The following PRAMEF33 variants were observed in gnomAD, a reference collection of about 807,000 sequenced individuals.
The protein encoded by PRAMEF33 is PRAME family member 10-like.
PRAMEF33 carries 5 observed loss-of-function variants against 28.1 expected under a neutral mutation model. That is an observed-to-expected ratio of 0.18 (90% confidence interval 0.09 to 0.37). The LOEUF is 0.37. Among genes scored for constraint, PRAMEF33 ranks in the 10% least tolerant of loss-of-function variants. PRAMEF33 has a pLI of 1.00. For synonymous variants in PRAMEF33, 28 were observed against 183.2 expected, an observed-to-expected ratio of 0.15 and a Z score of 6.84; for missense variants, 62 against 471.1, an observed-to-expected ratio of 0.13 and a Z score of 8.04.
chr1:13,305,754 C>G, intron 1 of PRAMEF33, 176 bp from the exon 2 acceptor site: 1 of 580,316 alleles, frequency 1.7e-6, no homozygotes, highest in Non-Finnish European at 3.0e-6. Flanking sequence ...GGGACACACT[C>G]TTCTTGGTAC....
chr1:13,306,393 G>A (rs1208971888), intron 2 of PRAMEF33, 152 bp downstream of exon 2: 1 of 616,720 alleles, frequency 1.6e-6, no homozygotes, highest in South Asian at 2.0e-5. Flanking sequence ...CAGATCCTCT[G>A]GAAAAGGTCT....
intron 1 of PRAMEF33, 115 bp downstream of exon 1, chr1:13,303,701 T>TC (rs1326733525): frequency 3.0e-5 from 2 of 67,154 alleles, no homozygotes; most frequent in African/African-American, 1.1e-4. Flanking sequence ...TTGTTTTTTT[T>TC]CTCATATGAA....
At position 13,305,521 on chromosome 1, in the gene PRAMEF33, G is replaced by A. The variant is rs1297277237; in HGVS notation, c.-25-409G>A. On this transcript the variant is annotated intron_variant, in intron 1 of 3. Coordinates refer to ENST00000437300, the MANE Select transcript of PRAMEF33 (RefSeq NM_001291381.1). Reference sequence around the variant, plus strand: ...TACGCCTGTAATCCCAGTACTTTGGGAGGCCAAGGCGGGTGGAATGTTTGA... The same window carrying A: ...TACGCCTGTAATCCCAGTACTTTGGAAGGCCAAGGCGGGTGGAATGTTTGA... 9.4e-5 allele frequency: 17 copies of A among 181,642 alleles called. 1 individual carries two copies. The highest frequency in any genetic ancestry group is 4.4e-5 in the Non-Finnish European group (4 of 91,616). 11.3% of individuals were successfully genotyped at this position (181,642 alleles called of 1,614,324 possible).
chr1:13,307,748 C>T (rs1639883375), intron 3 of PRAMEF33: 1 of 91,716 alleles, frequency 1.1e-5, no homozygotes, highest in Non-Finnish European at 2.2e-5. Flanking sequence ...TGCAGACAGG[C>T]ACCTGTAATC....
intron 1 of PRAMEF33, 159 bp from the exon 2 acceptor site, chr1:13,305,771 G>A: frequency 1.7e-6 from 1 of 579,940 alleles, no homozygotes; most frequent in Non-Finnish European, 3.0e-6. Context: ...GTACCAGAAG[G>A]GCAGAACCAT....
chr1:13,305,761 G>A (rs1369186385), intron 1 of PRAMEF33, 169 bp from the exon 2 acceptor site: 1 of 579,692 alleles, frequency 1.7e-6, no homozygotes, highest in Non-Finnish European at 3.0e-6. Flanking sequence ...ACTCTTCTTG[G>A]TACCAGAAGG....
intron 1 of PRAMEF33, chr1:13,305,540 T>A: frequency 5.7e-6 from 1 of 175,314 alleles, no homozygotes; most frequent in Non-Finnish European, 1.1e-5. Flanking sequence ...GCGGGTGGAA[T>A]GTTTGAGTCT....
chr1:13,304,024 C>G (rs1236054441), intron 1 of PRAMEF33: 1 of 151,118 alleles, frequency 6.6e-6, no homozygotes, highest in Non-Finnish European at 1.5e-5. Context: ...GCCTCCCAGG[C>G]TCAAGCAATT....
chr1:13,308,861 A>T lies in PRAMEF33; in HGVS notation c.1399A>T (p.Lys467Ter), dbSNP rs1639903445. ...TACCTGTGGCTCATGGCCATCTGAG[A>T]AAGTGGACTTCCATCTTTGCTCCTA... is the stretch of plus-strand genomic sequence containing the variant. ...CPTCGSWPSEKVDFHLCS is the reference protein window; with the variant it reads ...CPTCGSWPSE Residue 467 changes from lysine to a stop codon, truncating the protein, a stop_gained, in exon 4 of 4, where the codon AAA becomes TAA. Transcript: ENST00000437300. LOFTEE classifies it high-confidence loss of function. 6.2e-7 allele frequency: 1 copy of T among 1,605,030 alleles called. No homozygotes were observed. The highest frequency in any genetic ancestry group is 8.5e-7 in the Non-Finnish European group (1 of 1,176,284).
intron 1 of PRAMEF33, chr1:13,304,018 C>G: frequency 6.6e-6 from 1 of 151,192 alleles, no homozygotes; most frequent in East Asian, 1.9e-4. Context: ...ACCTCTGCCT[C>G]CCAGGCTCAA....
Position 13,308,019 on chromosome 1 carries a change from T to C in PRAMEF33, c.867-310T>C, listed in dbSNP as rs1333877793. 6.0e-5 allele frequency: 19 copies of C among 318,644 alleles called. No homozygotes were observed. The Admixed American group carries it at 9.0e-4, about 15-fold the overall frequency. 19.7% of individuals were successfully genotyped at this position (318,644 alleles called of 1,614,324 possible). On this transcript the variant is annotated intron_variant, in intron 3 of 3. Coordinates refer to ENST00000437300, the MANE Select transcript of PRAMEF33 (RefSeq NM_001291381.1). ...AAGTGCATGCTTCTGGGATGGAGGG[T>C]GAGGGACTAGGTGTGAGAGTGGTAC...
rs1333028916 is a variant in PRAMEF33, at chr1:13,308,860, GA to G, written c.1401del (p.Val468TrpfsTer?). On this transcript the variant is annotated frameshift_variant, in exon 4 of 4. Transcript: ENST00000437300. LOFTEE classifies it high-confidence loss of function. ...CPTCGSWPSE[K>X]VDFHLCS ...CTACCTGTGGCTCATGGCCATCTGA[GA>G]AAGTGGACTTCCATCTTTGCTCCTA... The G allele has an allele frequency of 6.2e-7, 1 of 1,605,094 alleles. No individual in the cohort carries two copies. The highest frequency in any genetic ancestry group is 8.5e-7 in the Non-Finnish European group (1 of 1,176,346).
chr1:13,304,220 T>C (rs1413434267), intron 1 of PRAMEF33: 2 of 150,774 alleles, frequency 1.3e-5, no homozygotes, highest in Admixed American at 6.6e-5. Context: ...GAGCCACTGG[T>C]GCTTGGCCTC....
rs1331407118 is a variant in PRAMEF33 at position 13,305,719 on chromosome 1, G to A, written c.-25-211G>A. On this transcript the variant is annotated intron_variant, in intron 1 of 3. Coordinates refer to ENST00000437300, the MANE Select transcript of PRAMEF33 (RefSeq NM_001291381.1). ...TGGCTAATAATTCATGGACTAGGAG[G>A]GATCTTGCCTGCTCTTTAGAGGTTG... 79 of 571,882 alleles carry A rather than the reference G, an allele frequency of 1.4e-4. 1 individual carries two copies. The highest frequency in any genetic ancestry group is 2.3e-4 in the Non-Finnish European group (75 of 327,638). 35.4% of individuals were successfully genotyped at this position (571,882 alleles called of 1,614,324 possible).
Position 13,305,715 on chromosome 1 carries a change from G to C in PRAMEF33, c.-25-215G>C, listed in dbSNP as rs1227928570. The C allele has an allele frequency of 3.1e-3, 1,788 of 571,576 alleles. 131 individuals are homozygous for C. Among genetic ancestry groups the C allele is most frequent in the South Asian group, 0.02 (946 of 47,004 alleles). The allele number at this position is 571,576 out of a possible 1,614,324, so 35.4% of individuals were successfully genotyped here. The stretch of plus-strand genomic sequence containing the variant: ...ACAGTGGCTAATAATTCATGGACTA[G>C]GAGGGATCTTGCCTGCTCTTTAGAG... On this transcript the variant is annotated intron_variant, in intron 1 of 3. Transcript: ENST00000437300.
chr1:13,308,515 C>G lies in PRAMEF33; in HGVS notation c.1053C>G (p.Leu351=), dbSNP rs1553168294. The G allele has an allele frequency of 3.5e-5, 20 of 575,796 alleles. 2 individuals carry two copies. Among genetic ancestry groups the G allele is most frequent in the African/African-American group, 1.5e-4 (5 of 32,280 alleles). The allele number at this position is 575,796 out of a possible 1,614,324, so 35.7% of individuals were successfully genotyped here. Residue 351 remains leucine (L), a synonymous_variant, in exon 4 of 4, where the codon CTC becomes CTG. Coordinates refer to ENST00000437300, the MANE Select transcript of PRAMEF33 (RefSeq NM_001291381.1). ...GALLEKVAAT[L]KTLVLKDCRI... ...TGCTAGAGAAAGTTGCTGCTACTCT[C>G]AAGACCCTCGTCTTAAAGGACTGTC...
chr1:13,307,856 C>CAA (rs1284944139), intron 3 of PRAMEF33: 5 of 118,552 alleles, frequency 4.2e-5, no homozygotes, highest in East Asian at 2.8e-4. Context: ...GAGACTGTCT[C>CAA]AAAAAAAAAA....
At chr1:13,304,319 A>G (rs1639837198) in intron 1 of PRAMEF33, 1 of 146,792 alleles carries the variant, frequency 6.8e-6, no homozygotes, top group Admixed American at 6.7e-5. Context: ...GGGAGAAACA[A>G]TTGAGCCCAG....
In PRAMEF33 at chr1:13,306,660, G is replaced by T; in HGVS notation, c.310G>T (p.Asp104Tyr). The change falls in exon 3 of 4, where the codon GAT becomes TAT. Residue 104 changes from aspartate to tyrosine, a missense_variant. Asp to Tyr is a radical substitution (Grantham distance 160). Coordinates refer to ENST00000437300, the MANE Select transcript of PRAMEF33 (RefSeq NM_001291381.1). ...RPRRWKLQVL[D>Y]LQDVDENFWT... ...TAGGAGGTGGAAACTTCAAGTGCTG[G>T]ATTTGCAGGATGTTGATGAGAATTT... 1.6e-6 allele frequency: 2 copies of T among 1,216,344 alleles called. No homozygotes were observed. The highest frequency in any genetic ancestry group is 2.3e-6 in the Non-Finnish European group (2 of 855,728). 75.3% of individuals were successfully genotyped at this position (1,216,344 alleles called of 1,614,324 possible).
Sources: allele counts gnomAD v4.1 joint callset, GRCh38; gene constraint gnomAD v4.1.1; transcripts MANE v1.5; gene names NCBI Gene and HGNC (gene_info 2026-07-23, HGNC 2026-07-21).